ARHGEF37: variants seen among roughly 807,000 people sequenced by gnomAD.
ARHGEF37 encodes the protein Rho guanine nucleotide exchange factor 37.
Under a neutral mutation model 71.1 loss-of-function variants are expected in ARHGEF37, and 55 were observed. That is an observed-to-expected ratio of 0.77 (90% CI 0.62 to 0.97). The LOEUF is 0.97. Among genes scored for constraint, ARHGEF37 ranks in the 50% least tolerant of loss-of-function variants. The probability of loss-of-function intolerance (pLI) is 0.00; values close to 1 mark genes in which losing one functional copy is unlikely to be tolerated. For synonymous variants in ARHGEF37, 327 were observed against 350.6 expected, an observed-to-expected ratio of 0.93 and a Z score of 0.75; for missense variants, 765 against 836.8, an observed-to-expected ratio of 0.91 and a Z score of 1.06.
intron 4 of ARHGEF37, among the ~76,000 whole-genome samples, chr5:149,613,749 T>C (rs960608555): frequency 2.7e-5 from 4 of 150,860 alleles, no homozygotes; most frequent in Non-Finnish European, 4.4e-5. Flanking sequence ...GATATTGATA[T>C]TTCTACAGTG....
At chr5:149,620,082 A>G (rs960832484) in intron 7 of ARHGEF37, among the ~76,000 whole-genome samples, 4 of 152,016 alleles carry the variant, frequency 2.6e-5, no homozygotes, top group Non-Finnish European at 4.4e-5. Context: ...CAAAAAAAAA[A>G]AAAAAGAAAA....
At chr5:149,569,536 T>C (rs929287254) in intron 1 of ARHGEF37, among the ~76,000 whole-genome samples, 5 of 152,238 alleles carry the variant, frequency 3.3e-5, no homozygotes, top group Middle Eastern at 3.4e-3. Flanking sequence ...GCCAAGATGG[T>C]CTTGAACTCC....
intron 4 of ARHGEF37, among the ~76,000 whole-genome samples, chr5:149,612,558 A>C (rs1752230006): frequency 6.6e-6 from 1 of 152,270 alleles, no homozygotes; most frequent in African/African-American, 2.4e-5. Context: ...AGTAATTCCC[A>C]GTATTATGAT....
At chr5:149,604,599 C>G (rs934052371) in intron 3 of ARHGEF37, among the ~76,000 whole-genome samples, 1 of 151,750 alleles carries the variant, frequency 6.6e-6, no homozygotes, top group East Asian at 1.9e-4. Flanking sequence ...CTCTTGCCTG[C>G]TGTCTCTCTA....
chr5:149,558,622 C>G (rs1357342260), intron 1 of ARHGEF37, among the ~76,000 whole-genome samples: 1 of 151,868 alleles, frequency 6.6e-6, no homozygotes, highest in African/African-American at 2.4e-5. Flanking sequence ...TCCTAAAGTG[C>G]TGGGATTACA....
At chr5:149,587,751 T>C (rs1029294928) in intron 1 of ARHGEF37, among the ~76,000 whole-genome samples, 1 of 152,164 alleles carries the variant, frequency 6.6e-6, no homozygotes, top group Admixed American at 6.6e-5. Context: ...TGATTCCAGC[T>C]CTTTTGGGGG....
chr5:149,578,640 T>A (rs1763052795), upstream of ARHGEF37, among the ~76,000 whole-genome samples: 2 of 152,200 alleles, frequency 1.3e-5, no homozygotes, highest in South Asian at 4.1e-4. Flanking sequence ...GCACATGTAT[T>A]TTCTTTTCAA....
At position 149,598,751 on chromosome 5, in the gene ARHGEF37, T is replaced by TATAG. The variant is rs1250054655; in HGVS notation, c.186+799_186+800insGATA. Among the ~76,000 whole-genome samples, 99 of 40,806 alleles carry TATAG rather than the reference T, an allele frequency of 2.4e-3. 1 individual carries two copies. The highest frequency in any genetic ancestry group is 6.9e-3 in the African/African-American group (97 of 13,966). 26.8% of individuals were successfully genotyped at this position (40,806 alleles called of 152,430 possible). A position where few individuals can be genotyped will look rare whatever the true frequency, so the allele number is the denominator to read the frequency against. On this transcript the variant is annotated intron_variant, in intron 2 of 12. Coordinates refer to ENST00000333677, the MANE Select transcript of ARHGEF37 (RefSeq NM_001001669.3). ...AAAATAAATCTCATATATATATATC[T>TATAG]ATATATAGATATAGATATAGATATA...
At chr5:149,619,756 T>A (rs1290941506) in intron 7 of ARHGEF37, among the ~76,000 whole-genome samples, 1 of 152,004 alleles carries the variant, frequency 6.6e-6, no homozygotes, top group Non-Finnish European at 1.5e-5. Context: ...ATAGAACATG[T>A]GGAATATGGA....
At chr5:149,616,446 G>C in intron 4 of ARHGEF37, 121 bp from the exon 5 acceptor site, 1 of 874,544 alleles carries the variant, frequency 1.1e-6, no homozygotes, top group Non-Finnish European at 1.7e-6. Flanking sequence ...GGATCGCAGA[G>C]AGGGGGTGAC....
intron 7 of ARHGEF37, 30 bp from the exon 8 acceptor site, chr5:149,620,324 T>G: frequency 6.6e-7 from 1 of 1,525,462 alleles, no homozygotes; most frequent in African/African-American, 1.4e-5. Context: ...ACAGGCATGA[T>G]TGGATGTTTC....
At chr5:149,563,770 T>C (rs1040180390) in intron 1 of ARHGEF37, among the ~76,000 whole-genome samples, 2 of 152,098 alleles carry the variant, frequency 1.3e-5, no homozygotes, top group Non-Finnish European at 2.9e-5. Context: ...GTGTAGAAGA[T>C]TCCTTTTGAC....
At position 149,616,694 on chromosome 5, in the gene ARHGEF37, C is replaced by T. The variant is rs1186203658; in HGVS notation, c.586C>T (p.Leu196Phe). Reference protein sequence around the residue: ...TVPDASAYPVLQRAVSALQDV... With the variant: ...TVPDASAYPVFQRAVSALQDV... Reference sequence around the variant, plus strand: ...CCCTGATGCCAGTGCCTATCCTGTCCTTCAGAGGGCTGTCTCTGCCCTCCA... The same window carrying T: ...CCCTGATGCCAGTGCCTATCCTGTCTTTCAGAGGGCTGTCTCTGCCCTCCA... Residue 196 changes from leucine (L) to phenylalanine (F), a missense_variant, in exon 5 of 13, where the codon CTT becomes TTT. Around this residue, in one of 5 missense-constraint regions of ARHGEF37, gnomAD observed 167 missense variants for 173.3 expected, o/e 0.96. Coordinates refer to ENST00000333677, the MANE Select transcript of ARHGEF37 (RefSeq NM_001001669.3). The T allele has an allele frequency of 6.2e-7, 1 of 1,613,962 alleles. No individual in the cohort carries two copies. The highest frequency in any genetic ancestry group is 8.5e-7 in the Non-Finnish European group (1 of 1,179,880).
chr5:149,598,263 C>CTTCT (rs1554121928), intron 2 of ARHGEF37, among the ~76,000 whole-genome samples: 4 of 67,692 alleles, frequency 5.9e-5, no homozygotes, highest in Non-Finnish European at 8.7e-5. Context: ...CTTAAACTGA[C>CTTCT]TCTTCTTCTT....
At chr5:149,622,597 G>A (rs1474783541) in intron 9 of ARHGEF37, among the ~76,000 whole-genome samples, 1 of 152,104 alleles carries the variant, frequency 6.6e-6, no homozygotes, top group East Asian at 1.9e-4. Flanking sequence ...GGCACGGAGA[G>A]GTAAAGTAGC....
chr5:149,590,300 G>A (rs1272509757), intron 1 of ARHGEF37, among the ~76,000 whole-genome samples: 3 of 70,960 alleles, frequency 4.2e-5, no homozygotes, highest in South Asian at 8.1e-4. Context: ...TTTTTTTTTT[G>A]AGATGGAGTC....
chr5:149,574,696 C>T (rs1462541656), intron 1 of ARHGEF37, among the ~76,000 whole-genome samples: 1 of 152,216 alleles, frequency 6.6e-6, no homozygotes, highest in Non-Finnish European at 1.5e-5. Context: ...TTGCATAGCA[C>T]AGGTATCAGC....
intron 4 of ARHGEF37, among the ~76,000 whole-genome samples, chr5:149,612,597 A>G (rs1752231165): frequency 6.6e-6 from 1 of 152,262 alleles, no homozygotes; most frequent in African/African-American, 2.4e-5. Flanking sequence ...CAAGTGTGAC[A>G]AACATATTTA....
At chr5:149,628,753 A>G in intron 11 of ARHGEF37, 56 bp from the exon 12 acceptor site, 1 of 1,542,528 alleles carries the variant, frequency 6.5e-7, no homozygotes, top group East Asian at 2.4e-5. Context: ...TTTCTCCCTC[A>G]TTAAAAGGGA....
Sources: gnomAD v4.1 joint callset for allele counts (sites outside exome capture counted in the v4.1 genomes callset) on GRCh38, gnomAD v4.1.1 for gene constraint, gnomAD v4.1.1 regional missense constraint, MANE v1.5 for transcripts, NCBI Gene and HGNC (gene_info 2026-07-23, HGNC 2026-07-21) for gene names.